TJP1: variants seen among roughly 807,000 people sequenced by gnomAD.
TJP1 encodes the protein tight junction protein 1, also known as tight junction protein ZO-1.
TJP1 carries 43 observed loss-of-function variants against 194.2 expected under a neutral mutation model. That is an observed-to-expected ratio of 0.22 (90% CI 0.17 to 0.29). The LOEUF is 0.29. Ranked by LOEUF, TJP1 falls within the 10% of genes least tolerant of loss-of-function variation. The pLI is 1.00. For synonymous variants in TJP1, 801 were observed against 779.0 expected (o/e 1.03, Z -0.47); for missense variants, 1,971 against 2,185.7 (o/e 0.90, Z 1.96).
At chr15:29,739,479 T>C (rs942937289) in intron 10 of TJP1, among the ~76,000 whole-genome samples, 1 of 152,214 alleles carries the variant, frequency 6.6e-6, no homozygotes, top group Non-Finnish European at 1.5e-5. Context: ...AGTTTTGCTC[T>C]GTCACCCAGG....
At chr15:29,761,908 AAAG>A (rs1437051045) in intron 6 of TJP1, 139 bp from the exon 7 acceptor site, 1 of 796,096 alleles carries the variant, frequency 1.3e-6, no homozygotes, top group East Asian at 2.8e-5. Flanking sequence ...CCAAACTGTC[AAAG>A]TATTCCACCT....
intron 1 of TJP1, among the ~76,000 whole-genome samples, chr15:29,957,861 A>G (rs1415319526): frequency 6.6e-6 from 1 of 152,200 alleles, no homozygotes; most frequent in Admixed American, 6.5e-5. Flanking sequence ...TTACACTTCC[A>G]TCAACAGTAT....
intron 8 of TJP1, among the ~76,000 whole-genome samples, chr15:29,755,560 TAG>T (rs2045591068): frequency 1.3e-5 from 2 of 152,208 alleles, no homozygotes; most frequent in Admixed American, 6.5e-5. Context: ...TAGAATTCAG[TAG>T]AGGCATTTCT....
chr15:29,742,152 A>G (rs1227944307), intron 9 of TJP1, among the ~76,000 whole-genome samples: 1 of 151,988 alleles, frequency 6.6e-6, no homozygotes, highest in African/African-American at 2.4e-5. Flanking sequence ...AATAGGGAGG[A>G]TCAGGTGGAA....
At position 29,747,641 on chromosome 15, in the gene TJP1, G is replaced by T. The variant is rs184490265; in HGVS notation, c.1011-4860C>A. Among the ~76,000 whole-genome samples the T allele has an allele frequency of 2.8e-3, 423 of 152,256 alleles. 2 individuals are homozygous for T. The highest frequency in any genetic ancestry group is 5.2e-3 in the Non-Finnish European group (351 of 67,996). ...AGCAGAATTTGTTTAGAAAAGGTAA[G>T]AATTCCAATTAATTTTCTTCTTTCT... On this transcript the variant is annotated intron_variant, in intron 8 of 27. Transcript: ENST00000614355.
At chr15:29,934,543 C>T (rs754260069) in intron 2 of TJP1, among the ~76,000 whole-genome samples, 3 of 152,194 alleles carry the variant, frequency 2.0e-5, no homozygotes, top group Non-Finnish European at 2.9e-5. Flanking sequence ...TTCTCAGCCC[C>T]ACTTTGAATG....
chr15:29,806,653 G>A (rs2049128430), intron 1 of TJP1, among the ~76,000 whole-genome samples: 1 of 152,162 alleles, frequency 6.6e-6, no homozygotes, highest in Non-Finnish European at 1.5e-5. Context: ...CATCTATGGA[G>A]ATGAGGTTGA....
At chr15:29,898,074 T>C (rs2053531697) in intron 2 of TJP1, among the ~76,000 whole-genome samples, 1 of 152,216 alleles carries the variant, frequency 6.6e-6, no homozygotes, top group South Asian at 2.1e-4. Context: ...AGGAGCGGAA[T>C]GATATGGTTT....
chr15:29,967,408 A>T (rs2056371564), intron 1 of TJP1, among the ~76,000 whole-genome samples: 1 of 152,074 alleles, frequency 6.6e-6, no homozygotes, highest in Admixed American at 6.5e-5. Flanking sequence ...GAAAGACACT[A>T]ACATTTACTA....
intron 5 of TJP1, among the ~76,000 whole-genome samples, chr15:29,765,328 T>A (rs1943597291): frequency 6.6e-6 from 1 of 152,120 alleles, no homozygotes; most frequent in African/African-American, 2.4e-5. Flanking sequence ...ACCTAGGAGA[T>A]ATGCCAAGTG....
At chr15:29,774,224 T>G (rs942472292) in intron 2 of TJP1, among the ~76,000 whole-genome samples, 2 of 152,188 alleles carry the variant, frequency 1.3e-5, no homozygotes, top group African/African-American at 4.8e-5. Context: ...TCCCTCAGCT[T>G]TCCAGTCCGC....
chr15:29,864,604 C>T (rs776458150), intron 2 of TJP1, among the ~76,000 whole-genome samples: 21 of 152,146 alleles, frequency 1.4e-4, no homozygotes, highest in Non-Finnish European at 2.5e-4. Flanking sequence ...GCAAAAGGAT[C>T]TCACCCATAT....
chr15:29,891,751 T>C (rs965155121), intron 2 of TJP1, among the ~76,000 whole-genome samples: 1 of 152,198 alleles, frequency 6.6e-6, no homozygotes, highest in Non-Finnish European at 1.5e-5. Context: ...GCAGCCTTAA[T>C]CTACAAATGT....
At chr15:29,808,645 A>T (rs957900840) in intron 1 of TJP1, among the ~76,000 whole-genome samples, 5 of 152,226 alleles carry the variant, frequency 3.3e-5, no homozygotes, top group African/African-American at 4.8e-5. Flanking sequence ...AGAAACTGGT[A>T]CGTATAGGGA....
chr15:29,750,263 A>G (rs567808722), intron 8 of TJP1, among the ~76,000 whole-genome samples: 2 of 151,968 alleles, frequency 1.3e-5, no homozygotes, highest in South Asian at 2.1e-4. Flanking sequence ...TCAGCCTCCC[A>G]AAGTGCTGGG....
intron 1 of TJP1, among the ~76,000 whole-genome samples, chr15:29,803,876 C>A (rs1343303457): frequency 6.6e-6 from 1 of 151,876 alleles, no homozygotes; most frequent in Admixed American, 6.6e-5. Flanking sequence ...TGTTAAACAT[C>A]AATTATAGCT....
intron 2 of TJP1, among the ~76,000 whole-genome samples, chr15:29,955,475 C>T (rs1345556714): frequency 6.6e-6 from 1 of 151,812 alleles, no homozygotes; most frequent in Admixed American, 6.6e-5. Flanking sequence ...GAAATAAGAA[C>T]CTGTCACTTG....
intron 2 of TJP1, among the ~76,000 whole-genome samples, chr15:29,776,920 G>C (rs1357004838): frequency 6.6e-6 from 1 of 152,084 alleles, no homozygotes; most frequent in Non-Finnish European, 1.5e-5. Flanking sequence ...CTTGAAGCAA[G>C]GTACTCATTC....
intron 2 of TJP1, among the ~76,000 whole-genome samples, chr15:29,884,033 G>A (rs531372667): frequency 6.6e-6 from 1 of 152,114 alleles, no homozygotes; most frequent in African/African-American, 2.4e-5. Flanking sequence ...AGCTAAACTA[G>A]GGTATCCCTA....
Sources: allele counts gnomAD v4.1 joint callset (sites outside exome capture counted in the v4.1 genomes callset), GRCh38; gene constraint gnomAD v4.1.1; transcripts MANE v1.5; gene names NCBI Gene and HGNC (gene_info 2026-07-23, HGNC 2026-07-21).